Variants in TMEM17 observed in about 807,000 individuals in gnomAD.
The protein encoded by TMEM17 is transmembrane protein 17.
In TMEM17, 15 loss-of-function variants were observed where a neutral mutation model predicts 19.1. The ratio of observed to expected loss-of-function variants is 0.78; its 90% CI spans 0.52 to 1.21. The LOEUF is 1.21. Among genes scored for constraint, TMEM17 ranks in the 50% most tolerant of loss-of-function variants. The pLI, the probability that TMEM17 is intolerant of heterozygous loss-of-function variation, is 0.00. For missense variants in TMEM17, 245 were observed against 242.3 expected (o/e 1.01, Z -0.07); for synonymous variants, 103 against 86.9 (o/e 1.19, Z -1.03).
chr2:62,495,118 TA>T, the TMEM17 span, among the ~76,000 whole-genome samples: 1 of 152,260 alleles, frequency 6.6e-6, no homozygotes, highest in African/African-American at 2.4e-5. Context: ...CTTACTAGAT[TA>T]AAAAGCTCTT....
In TMEM17 at chr2:62,501,210, C is replaced by G; in HGVS notation, c.596G>C (p.Ter199SerextTer6). The G allele has an allele frequency of 1.2e-6, 2 of 1,612,340 alleles. No individual in the cohort carries two copies. Among genetic ancestry groups the G allele is most frequent in the Non-Finnish European group, 1.7e-6 (2 of 1,178,696 alleles). ...RRMRSCIEEI* is the reference protein window; with the variant it reads ...RRMRSCIEEIS ...AGATTTTCACTCAACAACACTGGAT[C>G]AGATCTCTTCTATACATGACCTCAT... is the stretch of plus-strand genomic sequence containing the variant. Residue 199 changes from the stop codon to serine (S), a stop_lost, in exon 4 of 4, where the codon TGA becomes TCA. Coordinates refer to ENST00000335390, the MANE Select transcript of TMEM17 (RefSeq NM_198276.3).
the TMEM17 span, among the ~76,000 whole-genome samples, chr2:62,485,340 T>G: frequency 1.3e-5 from 2 of 152,244 alleles, no homozygotes; most frequent in African/African-American, 4.8e-5. Flanking sequence ...CTTCCCCCAC[T>G]TCTTTCTCCC....
At chr2:62,465,081 C>T in the TMEM17 span, among the ~76,000 whole-genome samples, 3 of 151,434 alleles carry the variant, frequency 2.0e-5, no homozygotes, top group African/African-American at 7.2e-5. Context: ...CAGTCTAGTC[C>T]CCAGGCAGGG....
chr2:62,485,595 C>T, the TMEM17 span, among the ~76,000 whole-genome samples: 22 of 152,060 alleles, frequency 1.4e-4, no homozygotes, highest in African/African-American at 1.2e-4. Flanking sequence ...AAGAGTGGGA[C>T]GCAGCTTTTA....
At chr2:62,492,106 C>T in the TMEM17 span, among the ~76,000 whole-genome samples, 11 of 152,130 alleles carry the variant, frequency 7.2e-5, no homozygotes, top group Non-Finnish European at 1.2e-4. Context: ...AATGTTCCTG[C>T]TTTGGCTTCT....
At chr2:62,464,358 C>T in the TMEM17 span, among the ~76,000 whole-genome samples, 1 of 152,266 alleles carries the variant, frequency 6.6e-6, no homozygotes, top group African/African-American at 2.4e-5. Flanking sequence ...CCGGCAGTTC[C>T]AGCACTCGTG....
intron 1 of TMEM17, among the ~76,000 whole-genome samples, chr2:62,503,643 C>G (rs1329245400): frequency 6.6e-6 from 1 of 152,228 alleles, no homozygotes; most frequent in Non-Finnish European, 1.5e-5. Context: ...AGCACTGTGC[C>G]TGGCACACTT....
downstream of TMEM17, among the ~76,000 whole-genome samples, chr2:62,499,620 A>C (rs1679867006): frequency 6.6e-6 from 1 of 152,238 alleles, no homozygotes; most frequent in African/African-American, 2.4e-5. Context: ...AATGAGTGGG[A>C]AGTAAAGACA....
At chr2:62,476,842 T>G in the TMEM17 span, among the ~76,000 whole-genome samples, 1 of 152,220 alleles carries the variant, frequency 6.6e-6, no homozygotes, top group Non-Finnish European at 1.5e-5. Context: ...GTATTGGACT[T>G]CCTGCTGAGA....
chr2:62,501,375 T>A lies in TMEM17; in HGVS notation c.431A>T (p.His144Leu). 1 of 1,614,218 alleles carries A rather than the reference T, an allele frequency of 6.2e-7. No homozygotes were observed. The highest frequency in any genetic ancestry group is 8.5e-7 in the Non-Finnish European group (1 of 1,180,046). The change falls in exon 4 of 4, where the codon CAT becomes CTT. Residue 144 changes from histidine (H) to leucine (L), a missense_variant. Transcript: ENST00000335390. ...LTNLPLEKAI[H>L]IIFTLFLAFQ... Reference sequence around the variant, plus strand: ...AGCAAGGAAGAGAGTGAAGATGATATGTATCGCTTTTTCCAAGGGCAGATT... The same window carrying A: ...AGCAAGGAAGAGAGTGAAGATGATAAGTATCGCTTTTTCCAAGGGCAGATT...
chr2:62,460,855 C>G, the TMEM17 span, among the ~76,000 whole-genome samples: 1 of 152,202 alleles, frequency 6.6e-6, no homozygotes, highest in Non-Finnish European at 1.5e-5. Context: ...TGCTGTGTGC[C>G]AGGCACTCCG....
chr2:62,484,928 C>A, the TMEM17 span, among the ~76,000 whole-genome samples: 1 of 152,092 alleles, frequency 6.6e-6, no homozygotes, highest in Admixed American at 6.6e-5. Flanking sequence ...CATGGCTTTC[C>A]CAACTAATTC....
chr2:62,496,593 T>C (rs548140700), downstream of TMEM17, among the ~76,000 whole-genome samples: 5 of 152,332 alleles, frequency 3.3e-5, 1 homozygote, highest in African/African-American at 1.2e-4. Context: ...TAAAAAACTA[T>C]TTGCAAAGTA....
At chr2:62,462,358 T>C in the TMEM17 span, among the ~76,000 whole-genome samples, 31 of 152,280 alleles carry the variant, frequency 2.0e-4, no homozygotes, top group South Asian at 3.9e-3. Context: ...AGTTCCAGCC[T>C]TGTGTGACTT....
At chr2:62,460,606 A>G in the TMEM17 span, among the ~76,000 whole-genome samples, 1 of 152,120 alleles carries the variant, frequency 6.6e-6, no homozygotes, top group Non-Finnish European at 1.5e-5. Flanking sequence ...ATTTTTATCC[A>G]CTGTATGTAT....
At chr2:62,483,972 C>T in the TMEM17 span, among the ~76,000 whole-genome samples, 4 of 152,118 alleles carry the variant, frequency 2.6e-5, no homozygotes, top group African/African-American at 4.8e-5. Flanking sequence ...GAGAGTTTCT[C>T]TATGACTAAG....
At chr2:62,475,708 C>T in the TMEM17 span, among the ~76,000 whole-genome samples, 29 of 152,322 alleles carry the variant, frequency 1.9e-4, no homozygotes, top group African/African-American at 7.0e-4. Context: ...TCTCTTGCGG[C>T]CACTTGAATG....
At chr2:62,477,307 G>C in the TMEM17 span, among the ~76,000 whole-genome samples, 1 of 152,226 alleles carries the variant, frequency 6.6e-6, no homozygotes, top group Non-Finnish European at 1.5e-5. Flanking sequence ...TGAGGCAGGA[G>C]AATTGCTTGA....
the TMEM17 span, among the ~76,000 whole-genome samples, chr2:62,489,906 G>A: frequency 1.3e-5 from 2 of 152,208 alleles, no homozygotes; most frequent in African/African-American, 4.8e-5. Flanking sequence ...TGGGCATGGT[G>A]GCTCAGGCCT....
Sources: gnomAD v4.1 joint callset for allele counts (sites outside exome capture counted in the v4.1 genomes callset) on GRCh38, gnomAD v4.1.1 for gene constraint, MANE v1.5 for transcripts, NCBI Gene and HGNC (gene_info 2026-07-23, HGNC 2026-07-21) for gene names.